PTPRT: variants seen among roughly 807,000 people sequenced by gnomAD.
PTPRT encodes receptor-type tyrosine-protein phosphatase T.
Under a neutral mutation model 176.8 loss-of-function variants are expected in PTPRT, and 56 were observed. That is an observed-to-expected ratio of 0.32 (90% CI 0.26 to 0.40). PTPRT has a LOEUF of 0.40. Among genes scored for constraint, PTPRT ranks in the 10% least tolerant of loss-of-function variants. The pLI, the probability that PTPRT is intolerant of heterozygous loss-of-function variation, is 1.00. For missense variants in PTPRT, 1,540 were observed against 1,908.2 expected (o/e 0.81, Z 3.60); for synonymous variants, 783 against 739.0 (o/e 1.06, Z -0.96).
intron 16 of PTPRT, 29 bp from the exon 17 acceptor site, chr20:42,161,571 A>G (rs934173022): frequency 3.2e-6 from 5 of 1,569,720 alleles, no homozygotes; most frequent in Non-Finnish European, 4.3e-6. Flanking sequence ...AGAACAGATC[A>G]TCACCTATAG....
At chr20:42,520,959 C>T (rs539342508) in intron 7 of PTPRT, among the ~76,000 whole-genome samples, 4 of 152,020 alleles carry the variant, frequency 2.6e-5, no homozygotes, top group African/African-American at 7.2e-5. Flanking sequence ...CGTCCACCCA[C>T]CAACCTACAT....
At chr20:43,152,246 A>G (rs2000135) in intron 1 of PTPRT, among the ~76,000 whole-genome samples, 85,213 of 152,094 alleles carry the variant, frequency 0.56, 26,054 homozygotes, top group Middle Eastern at 0.68. Flanking sequence ...CCAGAATATT[A>G]AAGTGGTTAA....
At chr20:42,226,422 A>G (rs917814062) in intron 15 of PTPRT, among the ~76,000 whole-genome samples, 6 of 152,204 alleles carry the variant, frequency 3.9e-5, no homozygotes, top group Non-Finnish European at 2.9e-5. Context: ...TGACTTCCGA[A>G]ATACCTCCAA....
chr20:42,374,185 C>G (rs1319923102), intron 9 of PTPRT, among the ~76,000 whole-genome samples: 1 of 152,260 alleles, frequency 6.6e-6, no homozygotes, highest in African/African-American at 2.4e-5. Context: ...CATAGCCCAT[C>G]TGTCTCACTC....
Position 42,791,428 on chromosome 20 carries a change from C to T in PTPRT, c.253G>A (p.Gly85Ser). 1.9e-6 allele frequency: 3 copies of T among 1,613,432 alleles called. No homozygotes were observed. The highest frequency in any genetic ancestry group is 2.5e-6 in the Non-Finnish European group (3 of 1,179,630). ...MMVNSSGRAS[G>S]QKAHLLLPTL... is the part of the protein sequence containing the mutation. ...GGCAGGAGAAGGTGGGCCTTCTGGC[C>T]AGAGGCTCTCCCAGAGCTGTTCACC... The change falls in exon 3 of 31, where the codon GGC (glycine) becomes AGC (serine). Residue 85 changes from glycine (G) to serine (S), a missense_variant. By Grantham distance (56) the Gly-to-Ser change is moderately conservative. Around this residue, in one of 11 missense-constraint regions of PTPRT, gnomAD observed 116 missense variants for 118.5 expected, o/e 0.98. Transcript: ENST00000373187.
intron 26 of PTPRT, 80 bp from the exon 27 acceptor site, chr20:42,098,632 C>T: frequency 6.4e-7 from 1 of 1,551,686 alleles, no homozygotes; most frequent in Non-Finnish European, 8.8e-7. Flanking sequence ...TGGACTGAGG[C>T]CAGAGGCTCC....
At chr20:42,051,968 G>A in the PTPRT span, among the ~76,000 whole-genome samples, 1 of 152,206 alleles carries the variant, frequency 6.6e-6, no homozygotes, top group East Asian at 1.9e-4. Context: ...CTCGAGACCT[G>A]GCTCTATTTG....
At position 42,405,185 on chromosome 20, in the gene PTPRT, C is replaced by CT. The variant is rs752650847; in HGVS notation, c.1560+43034dup. Among the ~76,000 whole-genome samples the CT allele has an allele frequency of 9.0e-4, 130 of 145,204 alleles. 1 individual carries two copies. The highest frequency in any genetic ancestry group is 1.4e-3 in the Non-Finnish European group (93 of 65,694). ...ACAAGTGATTTCGCAGGCCACATTT[C>CT]TTTTTTTTTTCTTTTTTTTTATTAT... On this transcript the variant is annotated intron_variant, in intron 9 of 30. Coordinates refer to ENST00000373187, the MANE Select transcript of PTPRT (RefSeq NM_007050.6).
At chr20:42,583,605 C>A (rs997251017) in intron 7 of PTPRT, among the ~76,000 whole-genome samples, 4 of 152,092 alleles carry the variant, frequency 2.6e-5, no homozygotes, top group Non-Finnish European at 5.9e-5. Flanking sequence ...AACATGCACT[C>A]CCCCACACAC....
intron 15 of PTPRT, among the ~76,000 whole-genome samples, chr20:42,212,188 C>G (rs1206815759): frequency 6.9e-6 from 1 of 145,686 alleles, no homozygotes; most frequent in Non-Finnish European, 1.5e-5. Context: ...GGGAGATATA[C>G]CTAATGCTAG....
At chr20:42,620,308 C>CCAGCTG (rs1322954938) in intron 7 of PTPRT, among the ~76,000 whole-genome samples, 2 of 149,118 alleles carry the variant, frequency 1.3e-5, no homozygotes, top group African/African-American at 5.1e-5. Context: ...TCTGAGATCT[C>CCAGCTG]CAGCTGCGTG....
intron 1 of PTPRT, chr20:42,970,947 C>A (rs1027733419): frequency 1.3e-5 from 2 of 152,210 alleles, no homozygotes; most frequent in African/African-American, 4.8e-5. Flanking sequence ...TGTGTTTCCA[C>A]GTGGAGGTCA....
intron 14 of PTPRT, among the ~76,000 whole-genome samples, chr20:42,246,151 T>C (rs556755165): frequency 1.3e-5 from 2 of 152,028 alleles, no homozygotes; most frequent in Non-Finnish European, 2.9e-5. Context: ...TATATATTGA[T>C]ATATATATGC....
intron 1 of PTPRT, among the ~76,000 whole-genome samples, chr20:42,986,404 AT>A (rs1983583331): frequency 6.6e-6 from 1 of 152,162 alleles, no homozygotes; most frequent in Non-Finnish European, 1.5e-5. Flanking sequence ...TTTGATGAAA[AT>A]AGACCTAAGC....
At chr20:42,647,143 C>G (rs1210444496) in intron 7 of PTPRT, among the ~76,000 whole-genome samples, 2 of 151,870 alleles carry the variant, frequency 1.3e-5, no homozygotes, top group African/African-American at 4.8e-5. Context: ...GTGACCCCTC[C>G]CACCCTGGCC....
intron 15 of PTPRT, among the ~76,000 whole-genome samples, chr20:42,219,373 C>T (rs1357962738): frequency 2.0e-5 from 3 of 152,134 alleles, no homozygotes; most frequent in African/African-American, 7.2e-5. Context: ...GCCATGTGGG[C>T]TATGAAGGGT....
At chr20:43,090,484 G>A (rs1315610179) in intron 1 of PTPRT, among the ~76,000 whole-genome samples, 5 of 152,030 alleles carry the variant, frequency 3.3e-5, no homozygotes, top group South Asian at 2.1e-4. Flanking sequence ...TAGCCAGGAT[G>A]GTCTTGATAT....
chr20:42,713,843 G>C (rs1189962426), intron 6 of PTPRT, among the ~76,000 whole-genome samples: 2 of 152,128 alleles, frequency 1.3e-5, no homozygotes, highest in African/African-American at 2.4e-5. Context: ...TCTTCCTCCA[G>C]TTCGGGCCAT....
At chr20:42,672,083 A>T (rs2075422395) in intron 7 of PTPRT, among the ~76,000 whole-genome samples, 1 of 152,240 alleles carries the variant, frequency 6.6e-6, no homozygotes, top group African/African-American at 2.4e-5. Flanking sequence ...GTGATGGTTA[A>T]TAATGAGTGT....
Sources: allele counts gnomAD v4.1 joint callset (sites outside exome capture counted in the v4.1 genomes callset), GRCh38; gene constraint gnomAD v4.1.1; regional missense constraint gnomAD v4.1.1; transcripts MANE v1.5; gene names NCBI Gene and HGNC (gene_info 2026-07-23, HGNC 2026-07-21).